Variants in IDE observed in about 807,000 individuals in gnomAD.
The protein encoded by IDE is insulin-degrading enzyme.
A neutral mutation model predicts 133.2 loss-of-function variants in IDE; 58 were observed. The ratio of observed to expected loss-of-function variants is 0.44; its 90% confidence interval spans 0.35 to 0.54. IDE has a LOEUF of 0.54. IDE is among the 20% of genes least tolerant of loss of function. The pLI, the probability that IDE is intolerant of heterozygous loss-of-function variation, is 0.00. For missense variants in IDE, 981 were observed against 1,234.0 expected (o/e 0.79, Z 3.07); for synonymous variants, 396 against 421.3 (o/e 0.94, Z 0.73).
intron 17 of IDE, among the ~76,000 whole-genome samples, chr10:92,472,997 C>T (rs1200562229): frequency 1.4e-5 from 2 of 148,030 alleles, no homozygotes; most frequent in Non-Finnish European, 3.0e-5. Context: ...GGCTGGAGTG[C>T]AGTGGCATTA....
intron 4 of IDE, among the ~76,000 whole-genome samples, chr10:92,523,305 C>A (rs889858859): frequency 1.3e-5 from 2 of 151,872 alleles, no homozygotes; most frequent in Non-Finnish European, 2.9e-5. Flanking sequence ...CGTTTGAACC[C>A]AGGAGATGGA....
chr10:92,560,469 C>T (rs1449698406), intron 1 of IDE, among the ~76,000 whole-genome samples: 1 of 152,176 alleles, frequency 6.6e-6, no homozygotes, highest in African/African-American at 2.4e-5. Context: ...TGGTGAGCAA[C>T]TCAAGAGATG....
intron 9 of IDE, among the ~76,000 whole-genome samples, chr10:92,506,811 G>GTT (rs1244108478): frequency 6.6e-6 from 1 of 152,086 alleles, no homozygotes. Context: ...AGCCTAAGTT[G>GTT]TTGAAACTAA....
chr10:92,466,806 C>T (rs1038605380), intron 19 of IDE, among the ~76,000 whole-genome samples: 1 of 150,920 alleles, frequency 6.6e-6, no homozygotes, highest in South Asian at 2.1e-4. Flanking sequence ...TTAGTAGAGA[C>T]GGGGTTTCAC....
At chr10:92,483,219 T>G (rs1051193796) in intron 14 of IDE, 36 bp downstream of exon 14, 1 of 1,073,476 alleles carries the variant, frequency 9.3e-7, no homozygotes, top group Non-Finnish European at 1.4e-6. Context: ...ATTGTTGATT[T>G]TTATAAGCTT....
In IDE at chr10:92,473,105, G is replaced by A. The variant is rs541497395; in HGVS notation, c.2116+1736C>T. Among the ~76,000 whole-genome samples, 433 of 151,404 alleles carry A rather than the reference G, an allele frequency of 2.9e-3. 3 individuals are homozygous for A. The highest frequency in any genetic ancestry group is 9.6e-3 in the African/African-American group (397 of 41,212). On this transcript the variant is annotated intron_variant, in intron 17 of 24. Coordinates refer to ENST00000265986, the MANE Select transcript of IDE (RefSeq NM_004969.4). ...CTACAGGCACCCGCCACCACGCCCG[G>A]CTAATTTTTTGTATTTTTAGTACAG...
At chr10:92,571,732 T>A (rs1386823794) in intron 1 of IDE, among the ~76,000 whole-genome samples, 1 of 152,216 alleles carries the variant, frequency 6.6e-6, no homozygotes, top group African/African-American at 2.4e-5. Context: ...AATGCCCAAA[T>A]ACCAGCAGAG....
At chr10:92,475,002 T>A in intron 16 of IDE, 41 bp from the exon 17 acceptor site, 1 of 1,514,954 alleles carries the variant, frequency 6.6e-7, no homozygotes, top group Non-Finnish European at 9.0e-7. Context: ...TATAAATCTT[T>A]TAAAAATCAT....
chr10:92,501,106 T>A (rs1381240909), intron 11 of IDE, among the ~76,000 whole-genome samples: 4 of 150,748 alleles, frequency 2.7e-5, no homozygotes, highest in Admixed American at 2.0e-4. Flanking sequence ...ATGCCTGTAA[T>A]CCCAGCACTT....
intron 19 of IDE, among the ~76,000 whole-genome samples, chr10:92,467,232 C>T (rs1046853662): frequency 7.2e-5 from 11 of 152,094 alleles, no homozygotes; most frequent in African/African-American, 2.7e-4. Context: ...CTATGCCCAG[C>T]TAATTTTTTT....
Position 92,566,193 on chromosome 10 carries a change from A to C in IDE, c.98+7729T>G, listed in dbSNP as rs1187769035. Among the ~76,000 whole-genome samples the C allele has an allele frequency of 9.4e-5, 3 of 31,996 alleles. No individual in the cohort carries two copies. In the East Asian group the frequency reaches 1.1e-3, roughly 12 times the overall value. The allele number at this position is 31,996 out of a possible 152,430, so 21.0% of individuals were successfully genotyped here. On this transcript the variant is annotated intron_variant, in intron 1 of 24. Transcript: ENST00000265986. Reference sequence around the variant, plus strand: ...CAACATGACGAAATCCTGTCTCTACAAAAAAAAAAAAAAACTCCAAAAAAT... The same window carrying C: ...CAACATGACGAAATCCTGTCTCTACCAAAAAAAAAAAAAACTCCAAAAAAT...
chr10:92,458,305 T>G (rs1320248146), intron 22 of IDE, among the ~76,000 whole-genome samples: 3 of 152,152 alleles, frequency 2.0e-5, no homozygotes, highest in Non-Finnish European at 4.4e-5. Context: ...ACTGTGGGAC[T>G]TCTTATAATT....
intron 1 of IDE, among the ~76,000 whole-genome samples, chr10:92,545,720 A>T (rs1842510023): frequency 6.6e-6 from 1 of 152,180 alleles, no homozygotes; most frequent in African/African-American, 2.4e-5. Context: ...CCAAATTTGC[A>T]ACTAACTTTC....
At chr10:92,538,420 G>T (rs945057231) in intron 1 of IDE, among the ~76,000 whole-genome samples, 1 of 152,156 alleles carries the variant, frequency 6.6e-6, no homozygotes, top group East Asian at 1.9e-4. Context: ...ATAAGAGACC[G>T]GTGCTGTCCT....
chr10:92,524,501 TTA>T (rs1849500661), intron 4 of IDE, among the ~76,000 whole-genome samples: 1 of 83,182 alleles, frequency 1.2e-5, no homozygotes, highest in Non-Finnish European at 2.2e-5. Flanking sequence ...ATAATATATT[TTA>T]TATAATATAT....
intron 1 of IDE, 22 bp downstream of exon 1, chr10:92,573,900 C>T: frequency 7.0e-7 from 1 of 1,436,450 alleles, no homozygotes. Context: ...GCCCGAGGGC[C>T]CGGGCGCTCC....
chr10:92,508,649 G>A, intron 7 of IDE, 79 bp downstream of exon 7: 1 of 1,331,368 alleles, frequency 7.5e-7, no homozygotes, highest in Non-Finnish European at 1.1e-6. Context: ...TTCCTTCATA[G>A]GACACTATTC....
intron 11 of IDE, among the ~76,000 whole-genome samples, chr10:92,498,981 A>G (rs1847870032): frequency 6.6e-6 from 1 of 152,170 alleles, no homozygotes; most frequent in Admixed American, 6.5e-5. Context: ...CCCCCTGGAA[A>G]TATAGGTACA....
At chr10:92,504,430 T>C (rs1848187221) in intron 11 of IDE, among the ~76,000 whole-genome samples, 2 of 152,184 alleles carry the variant, frequency 1.3e-5, no homozygotes, top group Non-Finnish European at 1.5e-5. Flanking sequence ...ATGAGTCAGA[T>C]AGGTGGGCTG....
Sources: allele counts gnomAD v4.1 joint callset (sites outside exome capture counted in the v4.1 genomes callset), GRCh38; gene constraint gnomAD v4.1.1; transcripts MANE v1.5; gene names NCBI Gene and HGNC (gene_info 2026-07-23, HGNC 2026-07-21).